ARHGEF2: variants seen among roughly 807,000 people sequenced by gnomAD.
ARHGEF2 encodes the protein Rho/Rac guanine nucleotide exchange factor 2.
A neutral mutation model predicts 121.0 loss-of-function variants in ARHGEF2; 22 were observed. The ratio of observed to expected loss-of-function variants is 0.18; its 90% CI spans 0.13 to 0.26. ARHGEF2 has a LOEUF of 0.26. ARHGEF2 is among the 10% of genes least tolerant of loss of function. ARHGEF2 has a pLI of 1.00. For missense variants in ARHGEF2, 907 were observed against 1,336.0 expected (o/e 0.68, Z 5.01); for synonymous variants, 487 against 530.0 (o/e 0.92, Z 1.11).
intron 11 of ARHGEF2, among the ~76,000 whole-genome samples, chr1:155,959,106 AG>A (rs1179802432): frequency 6.6e-6 from 1 of 152,104 alleles, no homozygotes; most frequent in African/African-American, 2.4e-5. Context: ...AACCTTCTGA[AG>A]GTGTGTAAAT....
At chr1:155,971,826 T>C (rs1680522565) in intron 1 of ARHGEF2, among the ~76,000 whole-genome samples, 1 of 150,914 alleles carries the variant, frequency 6.6e-6, no homozygotes, top group Non-Finnish European at 1.5e-5. Flanking sequence ...GGTGGGAGGA[T>C]CGCTTGAGGC....
intron 3 of ARHGEF2, 57 bp from the exon 4 acceptor site, chr1:155,966,536 C>G (rs1572159354): frequency 1.9e-6 from 3 of 1,588,396 alleles, no homozygotes; most frequent in East Asian, 4.5e-5. Flanking sequence ...CAAGGATCAC[C>G]CCCAGAGGCA....
chr1:155,964,939 A>T (rs1679061486), intron 7 of ARHGEF2, 49 bp downstream of exon 7: 3 of 1,561,358 alleles, frequency 1.9e-6, no homozygotes, highest in Non-Finnish European at 2.6e-6. Context: ...GGAAGTAGAT[A>T]AACAGGACCT....
intron 1 of ARHGEF2, chr1:155,972,173 G>T: frequency 2.3e-6 from 1 of 436,160 alleles, no homozygotes; most frequent in Non-Finnish European, 4.8e-6. Context: ...GGTCTCTAGT[G>T]GCCCTTCCTC....
rs1676360761 is a variant in ARHGEF2 at position 155,954,910 on chromosome 1, C to T, written c.1775G>A (p.Arg592Gln). The change falls in exon 14 of 22, where the codon CGA becomes CAA. Residue 592 changes from arginine (R) to glutamine (Q), a missense_variant. By Grantham distance (43) the Arg-to-Gln change is conservative (BLOSUM62 1). Around this residue, in one of 2 missense-constraint regions of ARHGEF2, gnomAD observed 432 missense variants for 559.5 expected, o/e 0.77. Coordinates refer to ENST00000361247, the MANE Select transcript of ARHGEF2 (RefSeq NM_001162383.2). ...CTTGTGGGTGGACTTACTCTTAATT[C>T]GCCGCAGGTAAGCCTCATCCTCTGT... ...IETEDEAYLR[R>Q]IKMELQQKDR... The T allele has an allele frequency of 8.1e-6, 13 of 1,611,086 alleles. No individual in the cohort carries two copies. Among genetic ancestry groups the T allele is most frequent in the East Asian group, 6.7e-5 (3 of 44,780 alleles).
At position 155,970,934 on chromosome 1, in the gene ARHGEF2, C is replaced by T. The variant is rs116766413; in HGVS notation, c.64-1634G>A. The T allele has an allele frequency of 3.1e-4, 302 of 986,532 alleles. 1 individual carries two copies. In the African/African-American group the frequency reaches 4.6e-3, roughly 15 times the overall value. The allele number at this position is 986,532 out of a possible 1,614,324, so 61.1% of individuals were successfully genotyped here. A position where few individuals can be genotyped will look rare whatever the true frequency, so the allele number is the denominator to read the frequency against. On this transcript the variant is annotated intron_variant, in intron 1 of 21. Transcript: ENST00000361247. ...ATGCATCCTCCCCATCCCCAATCAT[C>T]CATTTTTCGCATCCTCCTCCTGTCT...
At chr1:155,979,047 G>C, upstream of ARHGEF2, 9 of 985,712 alleles carry the variant, frequency 9.1e-6, no homozygotes, top group Non-Finnish European at 9.6e-6. Context: ...TTACGATTGG[G>C]GGCAGGGGTG....
Position 155,970,671 on chromosome 1 carries a change from G to A in ARHGEF2, c.64-1371C>T, listed in dbSNP as rs1049875897. 16 of 985,586 alleles carry A rather than the reference G, an allele frequency of 1.6e-5. No individual in the cohort carries two copies. In the Admixed American group the frequency reaches 1.8e-4, roughly 11 times the overall value. 61.1% of individuals were successfully genotyped at this position (985,586 alleles called of 1,614,324 possible). On this transcript the variant is annotated intron_variant, in intron 1 of 21. Transcript: ENST00000361247. ...GACTCAGCCGAGGCCACGAGGCCAC[G>A]CCAGCAGCTGAGAGGTGGAGGAGGG...
chr1:155,955,071 C>T, intron 13 of ARHGEF2, 102 bp from the exon 14 acceptor site: 2 of 892,634 alleles, frequency 2.2e-6, no homozygotes. Context: ...CTTCCATCTT[C>T]TGATAAGACT....
chr1:155,951,849 T>C lies in ARHGEF2; in HGVS notation c.2172+70A>G. 3 of 1,613,110 alleles carry C rather than the reference T, an allele frequency of 1.9e-6. No homozygotes were observed. The highest frequency in any genetic ancestry group is 2.2e-5 in the East Asian group (1 of 44,880). On this transcript the variant is annotated intron_variant, in intron 17 of 21. Transcript: ENST00000361247. This position sits in a 1 kb window ranked among gnomAD's most constrained non-coding sequence, Gnocchi z 5.1. The stretch of plus-strand genomic sequence containing the variant: ...GGTGCCTGCCCCTGACAGCTTTGTG[T>C]TGAGGATCCAGAGGCTGGCTGTCCC...
intron 13 of ARHGEF2, among the ~76,000 whole-genome samples, chr1:155,956,536 C>A (rs1263532113): frequency 6.6e-6 from 1 of 151,562 alleles, no homozygotes; most frequent in East Asian, 1.9e-4. Context: ...TTATAAAAAT[C>A]TTGGCTGGGC....
intron 7 of ARHGEF2, 51 bp downstream of exon 7, chr1:155,964,937 A>G (rs757468985): frequency 6.4e-7 from 1 of 1,552,336 alleles, no homozygotes; most frequent in South Asian, 1.2e-5. Flanking sequence ...AAGGAAGTAG[A>G]TAAACAGGAC....
chr1:155,950,304 G>A lies in ARHGEF2; in HGVS notation c.2882C>T (p.Pro961Leu), dbSNP rs1337712436. The A allele has an allele frequency of 6.2e-7, 1 of 1,612,484 alleles. No homozygotes were observed. The change falls in exon 21 of 22, where the codon CCA (proline) becomes CTA (leucine). Residue 961 changes from proline (P) to leucine (L), a missense_variant. Pro to Leu is a moderately conservative substitution (Grantham distance 98). This residue lies in a region of ARHGEF2 where 432 missense variants were observed against 559.5 expected (regional missense o/e 0.77). Transcript: ENST00000361247. The surrounding 1 kb of genome is among the most constrained non-coding windows in gnomAD (Gnocchi z 5.2). ...TGTCTCCGCCAGGGTCTCACCTCGT[G>A]GACTGTGGGGCGGAGACAGACGGCT... ...GSSRLSPPHS[P>L]RDFTRMQDIP...
At chr1:155,964,707 G>A (rs1318534978) in intron 7 of ARHGEF2, among the ~76,000 whole-genome samples, 1 of 151,980 alleles carries the variant, frequency 6.6e-6, no homozygotes, top group Non-Finnish European at 1.5e-5. Context: ...ATCACCTGAG[G>A]TCAGGAGTTT....
intron 1 of ARHGEF2, 144 bp from the exon 2 acceptor site, chr1:155,969,444 T>C: frequency 6.8e-7 from 1 of 1,466,996 alleles, no homozygotes; most frequent in Non-Finnish European, 9.0e-7. Context: ...AAGCAGAGCC[T>C]GCAACTGGGT....
Position 155,950,316 on chromosome 1 carries a change from G to A in ARHGEF2, c.2870C>T (p.Pro957Leu), listed in dbSNP as rs760976683. 1.1e-5 allele frequency: 17 copies of A among 1,612,894 alleles called. No homozygotes were observed. The highest frequency in any genetic ancestry group is 1.7e-5 in the Admixed American group (1 of 59,998). The change falls in exon 21 of 22, where the codon CCG (proline) becomes CTG (leucine). Residue 957 changes from proline to leucine, a missense_variant. This residue lies in a region of ARHGEF2 where 432 missense variants were observed against 559.5 expected (regional missense o/e 0.77). Transcript: ENST00000361247. The surrounding 1 kb of genome is among the most constrained non-coding windows in gnomAD (Gnocchi z 5.2). ...GGTCTCACCTCGTGGACTGTGGGGCGGAGACAGACGGCTGCTACCTTCCTC... is the reference window on the plus strand; with the variant it reads ...GGTCTCACCTCGTGGACTGTGGGGCAGAGACAGACGGCTGCTACCTTCCTC... ...SEEEGSSRLS[P>L]PHSPRDFTRM...
chr1:155,965,248 TCC>T lies in ARHGEF2; in HGVS notation c.580+53_580+54del. 6.2e-7 allele frequency: 1 copy of T among 1,606,236 alleles called. No homozygotes were observed. The highest frequency in any genetic ancestry group is 8.5e-7 in the Non-Finnish European group (1 of 1,173,162). On this transcript the variant is annotated intron_variant, in intron 6 of 21. Transcript: ENST00000361247. This position sits in a 1 kb window ranked among gnomAD's most constrained non-coding sequence, Gnocchi z 6.0. ...CCAGGCTACTCCCACCAGCCTCTCA[TCC>T]CCCAGCCCCTCTTCATGTTCCTCAG...
At chr1:155,960,638 G>A (rs1195759279) in intron 11 of ARHGEF2, among the ~76,000 whole-genome samples, 6 of 152,146 alleles carry the variant, frequency 3.9e-5, no homozygotes, top group African/African-American at 1.4e-4. Flanking sequence ...GCTGCTGCGT[G>A]GGAGAGATGG....
At position 155,957,717 on chromosome 1, in the gene ARHGEF2, G is replaced by A; in HGVS notation, c.1711C>T (p.Arg571Cys). 1.9e-6 allele frequency: 3 copies of A among 1,611,022 alleles called. No homozygotes were observed. Among genetic ancestry groups the A allele is most frequent in the Non-Finnish European group, 2.5e-6 (3 of 1,178,888 alleles). The stretch of plus-strand genomic sequence containing the variant: ...AGGCGGCAGGCAGACACTCACGTGC[G>A]CACGCTCTGCTGAATGACCCGGATC... ...TWIRVIQQSV[R>C]TCPSREDFPL... is the part of the protein sequence containing the mutation. The change falls in exon 13 of 22, where the codon CGC becomes TGC. Residue 571 changes from arginine to cysteine, a missense_variant. Arg to Cys is a radical substitution (Grantham distance 180). Around this residue, in one of 2 missense-constraint regions of ARHGEF2, gnomAD observed 475 missense variants for 776.5 expected, o/e 0.61. Coordinates refer to ENST00000361247, the MANE Select transcript of ARHGEF2 (RefSeq NM_001162383.2).
Sources: allele counts gnomAD v4.1 joint callset (sites outside exome capture counted in the v4.1 genomes callset), GRCh38; gene constraint gnomAD v4.1.1; regional missense constraint gnomAD v4.1.1; non-coding constraint Gnocchi (gnomAD v3.1); transcripts MANE v1.5; gene names NCBI Gene and HGNC (gene_info 2026-07-23, HGNC 2026-07-21).